Variants in CEP152 observed in about 807,000 individuals in gnomAD.
The protein encoded by CEP152 is centrosomal protein of 152 kDa.
In CEP152, 132 loss-of-function variants were observed where a neutral mutation model predicts 188.9. The observed-to-expected ratio is 0.70, with a 90% CI of 0.61 to 0.81. CEP152 has a LOEUF of 0.81. Among genes scored for constraint, CEP152 ranks in the 30% least tolerant of loss-of-function variants. CEP152 has a pLI of 0.00. For missense variants in CEP152, 1,914 were observed against 1,969.8 expected, an observed-to-expected ratio of 0.97 and a Z score of 0.54; for synonymous variants, 649 against 666.6, an observed-to-expected ratio of 0.97 and a Z score of 0.41.
At chr15:48,766,078 T>C (rs951034122) in intron 17 of CEP152, among the ~76,000 whole-genome samples, 22 of 152,288 alleles carry the variant, frequency 1.4e-4, no homozygotes, top group African/African-American at 5.3e-4. Flanking sequence ...TATACTGCCA[T>C]CCCTACCTAA....
intron 5 of CEP152, 100 bp from the exon 6 acceptor site, chr15:48,796,260 T>C (rs1415839402): frequency 1.1e-5 from 15 of 1,334,108 alleles, no homozygotes; most frequent in Non-Finnish European, 1.6e-5. Context: ...GAACTTACTT[T>C]TGGTACAGTT....
intron 12 of CEP152, among the ~76,000 whole-genome samples, chr15:48,779,892 T>C (rs1251860243): frequency 6.6e-6 from 1 of 152,236 alleles, no homozygotes; most frequent in African/African-American, 2.4e-5. Context: ...AGCCTTTCTT[T>C]GACAACTTGG....
chr15:48,764,387 T>C (rs1467083705), intron 17 of CEP152, among the ~76,000 whole-genome samples: 1 of 152,194 alleles, frequency 6.6e-6, no homozygotes, highest in Non-Finnish European at 1.5e-5. Context: ...TTTCCTCCAA[T>C]AGCTGTCTCT....
rs1232560739 is a variant in CEP152, at chr15:48,810,094, G to A, written c.-8+867C>T. On this transcript the variant is annotated intron_variant, in intron 1 of 26. Transcript: ENST00000380950. The stretch of plus-strand genomic sequence containing the variant: ...GTGCATGTTCATTGTCACGCACTAT[G>A]AAGGTATAAGGTGATAATAGGCTTA... The A allele has an allele frequency of 2.6e-5, 4 of 152,344 alleles. No homozygotes were observed. In the East Asian group the frequency reaches 5.8e-4, roughly 22 times the overall value. The allele number at this position is 152,344 out of a possible 1,614,324, so 9.4% of individuals were successfully genotyped here.
At chr15:48,749,360 C>G (rs953853504) in intron 21 of CEP152, among the ~76,000 whole-genome samples, 1 of 151,692 alleles carries the variant, frequency 6.6e-6, no homozygotes, top group Admixed American at 6.6e-5. Flanking sequence ...CTGGATCAAG[C>G]AAGAATCATC....
intron 26 of CEP152, chr15:48,741,261 C>G: frequency 8.7e-7 from 1 of 1,145,958 alleles, no homozygotes; most frequent in South Asian, 1.9e-5. Flanking sequence ...TCCCAAAGTG[C>G]TGGGATTACA....
chr15:48,739,149 G>A lies in CEP152; in HGVS notation c.4233C>T (p.Pro1411=), dbSNP rs1353255488. ...TITRTLCEQA[P]KRRAACNLQR... ...GTAAGTTACAAGCTGCCCTCCTCTT[G>A]GGAGCTTGTTCGCACAGAGTTCTGG... Residue 1411 remains proline (P), a synonymous_variant, in exon 27 of 27, where the codon CCC becomes CCT. Coordinates refer to ENST00000380950, the MANE Select transcript of CEP152 (RefSeq NM_001194998.2). 6.2e-7 allele frequency: 1 copy of A among 1,614,132 alleles called. No homozygotes were observed. The highest frequency in any genetic ancestry group is 2.2e-5 in the East Asian group (1 of 44,878).
intron 1 of CEP152, among the ~76,000 whole-genome samples, chr15:48,806,788 T>G (rs1304663620): frequency 6.6e-6 from 1 of 152,226 alleles, no homozygotes; most frequent in Admixed American, 6.5e-5. Flanking sequence ...TGTCTTTGAT[T>G]CTATGATGCA....
chr15:48,756,262 C>T lies in CEP152; in HGVS notation c.2986G>A (p.Ala996Thr), dbSNP rs1158952060. 3.8e-6 allele frequency: 6 copies of T among 1,590,826 alleles called. No homozygotes were observed. Among genetic ancestry groups the T allele is most frequent in the African/African-American group, 1.4e-5 (1 of 73,810 alleles). The change falls in exon 20 of 27, where the codon GCA becomes ACA. Residue 996 changes from alanine to threonine, a missense_variant. Transcript: ENST00000380950. ...HRNKINEVLA[A>T]AKEDFMKQKT... ...TGTTTCATAAAGTCTTCTTTAGCTG[C>T]CGCAAGCACCTCATTAATTTTATTT...
chr15:48,741,583 C>A lies in CEP152; in HGVS notation c.4093+18G>T. ...AAGAAAAGATAGAAAAACCATTTGGCGACTCACTTTGACATACCTGACTGT... is the reference window on the plus strand; with the variant it reads ...AAGAAAAGATAGAAAAACCATTTGGAGACTCACTTTGACATACCTGACTGT... On this transcript the variant is annotated intron_variant, in intron 26 of 26. Transcript: ENST00000380950. The A allele has an allele frequency of 6.2e-7, 1 of 1,614,016 alleles. No homozygotes were observed. The highest frequency in any genetic ancestry group is 8.5e-7 in the Non-Finnish European group (1 of 1,179,966).
At chr15:48,797,910 A>G (rs565103452) in intron 3 of CEP152, 38 bp downstream of exon 3, 1 of 1,536,758 alleles carries the variant, frequency 6.5e-7, no homozygotes, top group East Asian at 2.3e-5. Flanking sequence ...GACTTATAGA[A>G]TTGCAATATA....
rs929333317 is a variant in CEP152, at chr15:48,757,163, T to C, written c.2695-610A>G. ...AAAGTAATAGCGAAATCAAAAAACCTAAGCTCCAATCCTGACACCAATTTG... is the reference window on the plus strand; with the variant it reads ...AAAGTAATAGCGAAATCAAAAAACCCAAGCTCCAATCCTGACACCAATTTG... On this transcript the variant is annotated intron_variant, in intron 19 of 26. Transcript: ENST00000380950. Among the ~76,000 whole-genome samples the C allele has an allele frequency of 3.3e-5, 5 of 152,020 alleles. No individual in the cohort carries two copies. In the East Asian group the frequency reaches 9.6e-4, roughly 29 times the overall value.
chr15:48,755,900 TAC>T lies in CEP152; in HGVS notation c.3345+1_3345+2del. On this transcript the variant is annotated splice_donor_variant, in intron 20 of 26. Coordinates refer to ENST00000380950, the MANE Select transcript of CEP152 (RefSeq NM_001194998.2). LOFTEE classifies it high-confidence loss of function. Reference sequence around the variant, plus strand: ...ATACCTTCTCTCACTCTCAGGAACATACCTTTTTCCATTCTGGGTCAGCGTTT... The same window carrying T: ...ATACCTTCTCTCACTCTCAGGAACATCTTTTTCCATTCTGGGTCAGCGTTT... 1 of 1,613,550 alleles carries T rather than the reference TAC, an allele frequency of 6.2e-7. No homozygotes were observed.
chr15:48,808,918 T>G (rs574180861), intron 1 of CEP152, among the ~76,000 whole-genome samples: 1 of 152,290 alleles, frequency 6.6e-6, no homozygotes, highest in South Asian at 2.1e-4. Flanking sequence ...TGTTTTGGTT[T>G]TCTTCTTCAA....
At chr15:48,807,936 CT>C (rs1445895139) in intron 1 of CEP152, among the ~76,000 whole-genome samples, 2 of 151,946 alleles carry the variant, frequency 1.3e-5, no homozygotes, top group East Asian at 3.9e-4. Context: ...AAGTATATAT[CT>C]TTAATGTTAT....
intron 17 of CEP152, chr15:48,765,526 C>A (rs532363031): frequency 2.6e-6 from 1 of 389,076 alleles, no homozygotes; most frequent in Non-Finnish European, 4.9e-6. Flanking sequence ...CTAATTGTAA[C>A]TGACCCATTA....
Position 48,756,145 on chromosome 15 carries a change from T to C in CEP152, c.3103A>G (p.Ile1035Val). 1 of 1,614,114 alleles carries C rather than the reference T, an allele frequency of 6.2e-7. No individual in the cohort carries two copies. The highest frequency in any genetic ancestry group is 8.5e-7 in the Non-Finnish European group (1 of 1,179,996). Residue 1035 changes from isoleucine (I) to valine (V), a missense_variant, in exon 20 of 27, where the codon ATC becomes GTC. Transcript: ENST00000380950. ...REWTMQEAKR[I>V]QLEIYQYEED... Reference sequence around the variant, plus strand: ...TCATACTGATAGATTTCCAGTTGGATCCGCTTGGCTTCCTGCATAGTCCAT... The same window carrying C: ...TCATACTGATAGATTTCCAGTTGGACCCGCTTGGCTTCCTGCATAGTCCAT...
chr15:48,808,212 T>C (rs1284754519), intron 1 of CEP152, among the ~76,000 whole-genome samples: 2 of 151,354 alleles, frequency 1.3e-5, no homozygotes, highest in Non-Finnish European at 2.9e-5. Flanking sequence ...TTATCACTGC[T>C]ACCAGAGACT....
intron 14 of CEP152, among the ~76,000 whole-genome samples, chr15:48,768,625 A>C (rs1219459852): frequency 5.3e-5 from 8 of 152,340 alleles, no homozygotes; most frequent in Non-Finnish European, 8.8e-5. Flanking sequence ...TGATGCCTTA[A>C]AATAAGTCTC....
Sources: allele counts gnomAD v4.1 joint callset (sites outside exome capture counted in the v4.1 genomes callset), GRCh38; gene constraint gnomAD v4.1.1; transcripts MANE v1.5; gene names NCBI Gene and HGNC (gene_info 2026-07-23, HGNC 2026-07-21).